Variants in DCP1B observed in about 807,000 individuals in gnomAD.
The protein encoded by DCP1B is mRNA-decapping enzyme 1B.
A neutral mutation model predicts 60.5 loss-of-function variants in DCP1B; 47 were observed. That is an observed-to-expected ratio of 0.78 (90% CI 0.61 to 0.99). DCP1B has a LOEUF of 0.99. Among genes scored for constraint, DCP1B ranks in the 50% least tolerant of loss-of-function variants. The probability of loss-of-function intolerance (pLI) is 0.00; values close to 1 mark genes in which losing one functional copy is unlikely to be tolerated. For missense variants in DCP1B, 725 were observed against 756.8 expected (o/e 0.96, Z 0.49); for synonymous variants, 267 against 280.3 (o/e 0.95, Z 0.47).
chr12:1,998,020 A>G, intron 1 of DCP1B, 45 bp from the exon 2 acceptor site: 1 of 1,544,842 alleles, frequency 6.5e-7, no homozygotes, highest in Non-Finnish European at 8.8e-7. Flanking sequence ...TGTTCTCTTC[A>G]ATTCACAAAG....
chr12:1,989,966 A>C (rs899807323), intron 3 of DCP1B, among the ~76,000 whole-genome samples: 1 of 152,236 alleles, frequency 6.6e-6, no homozygotes, highest in Non-Finnish European at 1.5e-5. Context: ...AAGGCTAAAA[A>C]AACTTGCTTT....
Position 1,946,262 on chromosome 12 carries a change from T to C in DCP1B, c.1798A>G (p.Ile600Val). 6.2e-7 allele frequency: 1 copy of C among 1,607,680 alleles called. No homozygotes were observed. Among genetic ancestry groups the C allele is most frequent in the Non-Finnish European group, 8.5e-7 (1 of 1,177,640 alleles). ...ATGCTGAAGAGATAGGCTTCATAGATTATATTTAAGAAGTTGTCATCATTC... is the reference window on the plus strand; with the variant it reads ...ATGCTGAAGAGATAGGCTTCATAGACTATATTTAAGAAGTTGTCATCATTC... ...IQNDDNFLNI[I>V]YEAYLFSMTQ... The change falls in exon 9 of 9, where the codon ATC (isoleucine) becomes GTC (valine). Residue 600 changes from isoleucine (I) to valine (V), a missense_variant. Physicochemically the swap from Ile to Val is conservative, Grantham distance 29. Transcript: ENST00000280665.
At chr12:1,965,779 G>T in intron 4 of DCP1B, 86 bp from the exon 5 acceptor site, 2 of 1,438,406 alleles carry the variant, frequency 1.4e-6, no homozygotes, top group Non-Finnish European at 1.8e-6. Flanking sequence ...TCACCTAGTT[G>T]TTTTCATCCT....
At chr12:1,960,926 C>G (rs957083939) in intron 5 of DCP1B, among the ~76,000 whole-genome samples, 1 of 152,186 alleles carries the variant, frequency 6.6e-6, no homozygotes, top group African/African-American at 2.4e-5. Context: ...TCTTCTGTCT[C>G]AGAACCACTT....
intron 5 of DCP1B, among the ~76,000 whole-genome samples, chr12:1,963,836 G>A (rs1197776649): frequency 1.3e-5 from 2 of 152,148 alleles, no homozygotes; most frequent in African/African-American, 4.8e-5. Flanking sequence ...TGTCCTTTCA[G>A]GGCAAGAGTG....
At chr12:1,951,295 A>G (rs892760174) in intron 7 of DCP1B, among the ~76,000 whole-genome samples, 1 of 152,194 alleles carries the variant, frequency 6.6e-6, no homozygotes, top group Non-Finnish European at 1.5e-5. Context: ...AAAAAGGTAC[A>G]TAACAAAACA....
At position 2,004,113 on chromosome 12, in the gene DCP1B, C is replaced by G. The variant is rs184211446; in HGVS notation, c.150+169G>C. 21 of 963,322 alleles carry G rather than the reference C, an allele frequency of 2.2e-5. No individual in the cohort carries two copies. The South Asian group carries it at 2.5e-4, about 11-fold the overall frequency. The allele number at this position is 963,322 out of a possible 1,614,324, so 59.7% of individuals were successfully genotyped here. A position where few individuals can be genotyped will look rare whatever the true frequency, so the allele number is the denominator to read the frequency against. On this transcript the variant is annotated intron_variant, in intron 1 of 8. Coordinates refer to ENST00000280665, the MANE Select transcript of DCP1B (RefSeq NM_152640.5). ...GCTCCACAGATCCGCCTTCCTTCCC[C>G]CAAACCCCCGAGACCCCATCTCCAC...
At chr12:1,967,760 T>G (rs1404420792) in intron 4 of DCP1B, 84 bp downstream of exon 4, 2 of 1,153,100 alleles carry the variant, frequency 1.7e-6, no homozygotes, top group Non-Finnish European at 2.6e-6. Context: ...TATATTCTGT[T>G]AAGACTGTAG....
At chr12:1,956,154 G>T (rs1318721848) in intron 5 of DCP1B, among the ~76,000 whole-genome samples, 1 of 152,162 alleles carries the variant, frequency 6.6e-6, no homozygotes, top group South Asian at 2.1e-4. Context: ...GAATTTTGTA[G>T]AGAAAGAGAC....
intron 3 of DCP1B, among the ~76,000 whole-genome samples, chr12:1,990,183 A>C (rs896038277): frequency 1.6e-4 from 24 of 152,236 alleles, no homozygotes; most frequent in Non-Finnish European, 3.2e-4. Flanking sequence ...CTCATTTATA[A>C]AACAGGAATA....
chr12:1,950,373 G>C (rs2030620797), intron 7 of DCP1B: 2 of 702,366 alleles, frequency 2.8e-6, no homozygotes. Context: ...TGATATTTGT[G>C]AGTACTGAAA....
intron 5 of DCP1B, among the ~76,000 whole-genome samples, chr12:1,958,975 A>G (rs1039320129): frequency 2.0e-5 from 3 of 149,360 alleles, no homozygotes; most frequent in Admixed American, 2.0e-4. Flanking sequence ...AAGCTCCCCA[A>G]CGTCGCTCTG....
At chr12:1,959,301 T>C (rs2959152) in intron 5 of DCP1B, among the ~76,000 whole-genome samples, 92,180 of 152,134 alleles carry the variant, frequency 0.61, 29,257 homozygotes, top group African/African-American at 0.81. Flanking sequence ...AGATGACCTA[T>C]GGAGTGGAGG....
chr12:1,991,095 A>T (rs955769706), intron 3 of DCP1B: 6 of 455,986 alleles, frequency 1.3e-5, no homozygotes, highest in African/African-American at 1.0e-4. Flanking sequence ...CATTAGAAAC[A>T]TTTTAATATG....
At chr12:2,002,730 T>A (rs2042457452) in intron 1 of DCP1B, among the ~76,000 whole-genome samples, 1 of 152,248 alleles carries the variant, frequency 6.6e-6, no homozygotes, top group Non-Finnish European at 1.5e-5. Context: ...CTCATCTCTC[T>A]ACTACGGAAT....
rs2031144636 is a variant in DCP1B, at chr12:1,962,032, G to A, written c.522+3526C>T. On this transcript the variant is annotated intron_variant, in intron 5 of 8. Transcript: ENST00000280665. This position sits in a 1 kb window ranked among gnomAD's most constrained non-coding sequence, Gnocchi z 4.4. ...CATGCCACGCTGCACAGGGCCACGT[G>A]TGGAAGCCTCAGGGTGTCAGCAGCA... Among the ~76,000 whole-genome samples the A allele has an allele frequency of 6.6e-6, 1 of 152,200 alleles. No individual in the cohort carries two copies. Among genetic ancestry groups the A allele is most frequent in the African/African-American group, 2.4e-5 (1 of 41,448 alleles).
chr12:1,958,240 A>T (rs1419036054), intron 5 of DCP1B, among the ~76,000 whole-genome samples: 3 of 138,228 alleles, frequency 2.2e-5, no homozygotes. Flanking sequence ...CCTGGAAGGA[A>T]ACAGGGGAAA....
chr12:1,967,230 G>A (rs1402576612), intron 4 of DCP1B, among the ~76,000 whole-genome samples: 1 of 152,220 alleles, frequency 6.6e-6, no homozygotes, highest in East Asian at 1.9e-4. Context: ...CCAAAATGCA[G>A]AATGGGACAA....
At position 1,971,307 on chromosome 12, in the gene DCP1B, C is replaced by G. The variant is rs2032146354; in HGVS notation, c.320-3397G>C. The stretch of plus-strand genomic sequence containing the variant: ...TGACTTCCTCACTCTAAGAACTCAT[C>G]TCTCCATATTTAATCAGGATTTACC... On this transcript the variant is annotated intron_variant, in intron 3 of 8. Transcript: ENST00000280665. The surrounding 1 kb of genome is among the most constrained non-coding windows in gnomAD (Gnocchi z 4.2). 2.7e-5 allele frequency: 16 copies of G among 592,986 alleles called. No homozygotes were observed. The South Asian group carries it at 3.0e-4, about 11-fold the overall frequency. The allele number at this position is 592,986 out of a possible 1,614,324, so 36.7% of individuals were successfully genotyped here.
Sources: allele counts gnomAD v4.1 joint callset (sites outside exome capture counted in the v4.1 genomes callset), GRCh38; gene constraint gnomAD v4.1.1; non-coding constraint Gnocchi (gnomAD v3.1); transcripts MANE v1.5; gene names NCBI Gene and HGNC (gene_info 2026-07-23, HGNC 2026-07-21).